MAPK8: variants seen among roughly 807,000 people sequenced by gnomAD.
MAPK8 encodes the protein mitogen-activated protein kinase 8.
MAPK8 carries 13 observed loss-of-function variants against 52.9 expected under a neutral mutation model. The observed-to-expected ratio is 0.25, with a 90% CI of 0.16 to 0.39. The LOEUF (loss-of-function observed/expected upper bound fraction) is 0.39, where lower values mean the gene tolerates loss of function less well. MAPK8 is among the 10% of genes least tolerant of loss of function. The probability of loss-of-function intolerance (pLI) is 1.00; values close to 1 mark genes in which losing one functional copy is unlikely to be tolerated. For missense variants in MAPK8, 300 were observed against 519.2 expected (o/e 0.58, Z 4.10); for synonymous variants, 191 against 169.8 (o/e 1.12, Z -0.97).
intron 1 of MAPK8, among the ~76,000 whole-genome samples, chr10:48,381,934 G>T (rs1173590565): frequency 6.6e-6 from 1 of 152,178 alleles, no homozygotes; most frequent in Non-Finnish European, 1.5e-5. Context: ...GTATGATTAT[G>T]AAGGGGCAGG....
chr10:48,369,174 G>A (rs1404887551), intron 1 of MAPK8, among the ~76,000 whole-genome samples: 2 of 152,180 alleles, frequency 1.3e-5, no homozygotes, highest in African/African-American at 4.8e-5. Flanking sequence ...GAATTCAGGG[G>A]AAGGGAACTA....
chr10:48,372,925 A>G (rs1252003397), intron 1 of MAPK8, among the ~76,000 whole-genome samples: 12 of 152,078 alleles, frequency 7.9e-5, no homozygotes, highest in African/African-American at 2.4e-4. Flanking sequence ...GCCCCAAGAC[A>G]CATAATTGCC....
intron 9 of MAPK8, 127 bp downstream of exon 9, chr10:48,426,631 T>G: frequency 1.1e-6 from 1 of 893,708 alleles, no homozygotes; most frequent in Non-Finnish European, 1.7e-6. Context: ...TTTTTCTGTT[T>G]CTTCATGAAG....
intron 5 of MAPK8, among the ~76,000 whole-genome samples, chr10:48,419,710 A>G (rs905222885): frequency 6.6e-6 from 1 of 152,230 alleles, no homozygotes; most frequent in South Asian, 2.1e-4. Context: ...AGGATTGACA[A>G]GATGGCTCGT....
chr10:48,408,524 T>C (rs1277751218), intron 3 of MAPK8, among the ~76,000 whole-genome samples: 2 of 152,222 alleles, frequency 1.3e-5, no homozygotes, highest in Non-Finnish European at 2.9e-5. Flanking sequence ...AAGTGTAATA[T>C]AGGACTTAGC....
intron 1 of MAPK8, among the ~76,000 whole-genome samples, chr10:48,319,978 G>A (rs148307915): frequency 0.11 from 17,056 of 150,510 alleles, 1,054 homozygotes; most frequent in Middle Eastern, 0.21. Context: ...GTGCAATGGC[G>A]TGATCTTGGC....
At position 48,409,934 on chromosome 10, in the gene MAPK8, A is replaced by G; in HGVS notation, c.308A>G (p.Asp103Gly). ...TPQKSLEEFQDVYIVMELMDA... is the reference protein window; with the variant it reads ...TPQKSLEEFQGVYIVMELMDA... The stretch of plus-strand genomic sequence containing the variant: ...CAGAAATCCCTAGAAGAATTTCAAG[A>G]TGTGTAAGTGTAATAATTAAAATTT... The change falls in exon 4 of 12, where the codon GAT (aspartate) becomes GGT (glycine). Residue 103 changes from aspartate (D) to glycine (G), a missense_variant. Physicochemically the swap from Asp to Gly is moderately conservative, Grantham distance 94. This residue lies in a region of MAPK8 where 147 missense variants were observed against 328.1 expected (regional missense o/e 0.45). Coordinates refer to ENST00000374189, the MANE Select transcript of MAPK8 (RefSeq NM_001323329.2). The G allele has an allele frequency of 6.2e-7, 1 of 1,611,310 alleles. No individual in the cohort carries two copies. Among genetic ancestry groups the G allele is most frequent in the Non-Finnish European group, 8.5e-7 (1 of 1,177,916 alleles).
chr10:48,354,000 A>G (rs1846593158), intron 1 of MAPK8, among the ~76,000 whole-genome samples: 1 of 152,220 alleles, frequency 6.6e-6, no homozygotes, highest in Non-Finnish European at 1.5e-5. Flanking sequence ...ATAAAGCGAT[A>G]CATAGCTATA....
chr10:48,338,206 A>G (rs1844883636), intron 1 of MAPK8, among the ~76,000 whole-genome samples: 1 of 152,216 alleles, frequency 6.6e-6, no homozygotes, highest in Admixed American at 6.5e-5. Flanking sequence ...AAAATCCTCA[A>G]CAAAATACTA....
intron 1 of MAPK8, among the ~76,000 whole-genome samples, chr10:48,359,382 G>T (rs1050644413): frequency 6.6e-6 from 1 of 151,878 alleles, no homozygotes; most frequent in Non-Finnish European, 1.5e-5. Context: ...ATTTAGTTTT[G>T]CCATTTTTTA....
intron 9 of MAPK8, 97 bp downstream of exon 9, chr10:48,426,601 G>A (rs2043698173): frequency 9.3e-7 from 1 of 1,080,646 alleles, no homozygotes; most frequent in African/African-American, 1.7e-5. Flanking sequence ...AAATAAAAAT[G>A]TAGATACATG....
chr10:48,320,707 T>C (rs1442592726), intron 1 of MAPK8, among the ~76,000 whole-genome samples: 2 of 152,190 alleles, frequency 1.3e-5, no homozygotes, highest in Non-Finnish European at 2.9e-5. Flanking sequence ...TTTTTTGTGT[T>C]GTATGTTTTC....
intron 1 of MAPK8, among the ~76,000 whole-genome samples, chr10:48,341,034 A>T (rs1845204055): frequency 6.6e-6 from 1 of 152,222 alleles, no homozygotes; most frequent in Non-Finnish European, 1.5e-5. Flanking sequence ...ACAGTTTCTT[A>T]TATTCTGTCC....
intron 1 of MAPK8, among the ~76,000 whole-genome samples, chr10:48,342,730 C>T (rs191202512): frequency 1.3e-5 from 2 of 152,166 alleles, no homozygotes; most frequent in Non-Finnish European, 2.9e-5. Flanking sequence ...ATGTTTCTAC[C>T]GTTTGCTGAG....
intron 6 of MAPK8, among the ~76,000 whole-genome samples, chr10:48,422,267 G>A (rs930576678): frequency 1.3e-5 from 2 of 151,976 alleles, no homozygotes. Context: ...CCTGACCTTA[G>A]GTGATCCACC....
chr10:48,357,588 G>C (rs1847101354), intron 1 of MAPK8, among the ~76,000 whole-genome samples: 1 of 152,054 alleles, frequency 6.6e-6, no homozygotes, highest in Admixed American at 6.5e-5. Context: ...AATAGAGATG[G>C]AGTTTCACCA....
intron 1 of MAPK8, among the ~76,000 whole-genome samples, chr10:48,385,472 C>T (rs1034068443): frequency 3.9e-5 from 6 of 152,124 alleles, no homozygotes; most frequent in Non-Finnish European, 8.8e-5. Context: ...TTGAACCACT[C>T]CAGAAAATCG....
chr10:48,395,196 A>C (rs796887457), intron 1 of MAPK8, among the ~76,000 whole-genome samples: 11 of 152,170 alleles, frequency 7.2e-5, no homozygotes, highest in African/African-American at 2.6e-4. Context: ...AAGGACCTAG[A>C]ATAGCTGACA....
In MAPK8 at chr10:48,435,053, GAGGGAT is replaced by G; in HGVS notation, c.*25_*30del. 9 of 1,095,530 alleles carry G rather than the reference GAGGGAT, an allele frequency of 8.2e-6. No homozygotes were observed. The highest frequency in any genetic ancestry group is 1.2e-5 in the Non-Finnish European group (9 of 771,394). The allele number at this position is 1,095,530 out of a possible 1,614,324, so 67.9% of individuals were successfully genotyped here. A position where few individuals can be genotyped will look rare whatever the true frequency, so the allele number is the denominator to read the frequency against. On this transcript the variant is annotated 3_prime_UTR_variant, in exon 12 of 12. Transcript: ENST00000374189. ...GACTACTTGGGCCATCGGGGGGTGG[GAGGGAT>G]GGGGAGTCGGTTAGTCATTGATAGA... is the stretch of plus-strand genomic sequence containing the variant.
Sources: allele counts gnomAD v4.1 joint callset (sites outside exome capture counted in the v4.1 genomes callset), GRCh38; gene constraint gnomAD v4.1.1; regional missense constraint gnomAD v4.1.1; transcripts MANE v1.5; gene names NCBI Gene and HGNC (gene_info 2026-07-23, HGNC 2026-07-21).